RAI14: variants seen among roughly 807,000 people sequenced by gnomAD.
RAI14 encodes the protein ankycorbin.
A neutral mutation model predicts 115.4 loss-of-function variants in RAI14; 45 were observed. That is an observed-to-expected ratio of 0.39 (90% confidence interval 0.31 to 0.50). The LOEUF (loss-of-function observed/expected upper bound fraction) is 0.50. Ranked by LOEUF, RAI14 falls within the 20% of genes least tolerant of loss-of-function variation. RAI14 has a pLI of 0.85. For synonymous variants in RAI14, 371 were observed against 415.4 expected, an observed-to-expected ratio of 0.89 and a Z score of 1.30; for missense variants, 939 against 1,131.2, an observed-to-expected ratio of 0.83 and a Z score of 2.44.
intron 1 of RAI14, among the ~76,000 whole-genome samples, chr5:34,666,462 C>A (rs1743224632): frequency 6.6e-6 from 1 of 152,186 alleles, no homozygotes; most frequent in Admixed American, 6.5e-5. Flanking sequence ...ATGTGGCTGT[C>A]TTGATGGGGA....
In RAI14 at chr5:34,823,583, A is replaced by T; in HGVS notation, c.1741A>T (p.Ser581Cys). 1 of 1,614,238 alleles carries T rather than the reference A, an allele frequency of 6.2e-7. No individual in the cohort carries two copies. Among genetic ancestry groups the T allele is most frequent in the Non-Finnish European group, 8.5e-7 (1 of 1,180,044 alleles). The change falls in exon 15 of 18, where the codon AGT (serine) becomes TGT (cysteine). Residue 581 changes from serine (S) to cysteine (C), a missense_variant. Transcript: ENST00000265109. This position sits in a 1 kb window ranked among gnomAD's most constrained non-coding sequence, Gnocchi z 4.5. ...TGTGGAAGAGTACGAGGAAATGAAA[A>T]GTTCATATTGCTCTGTTATTGAGAA... ...PPVEEYEEMK[S>C]SYCSVIENMN...
chr5:34,664,717 CA>C (rs1742974402), intron 1 of RAI14, among the ~76,000 whole-genome samples: 1 of 151,580 alleles, frequency 6.6e-6, no homozygotes, highest in African/African-American at 2.4e-5. Context: ...TTGGTGTACC[CA>C]TCACCTGAGC....
chr5:34,794,565 A>G (rs1027153725), intron 3 of RAI14, among the ~76,000 whole-genome samples: 1 of 152,264 alleles, frequency 6.6e-6, no homozygotes, highest in African/African-American at 2.4e-5. Context: ...ATACAGAAAT[A>G]GTTGCGTGAG....
chr5:34,695,957 A>G (rs1739178039), intron 2 of RAI14, among the ~76,000 whole-genome samples: 1 of 152,080 alleles, frequency 6.6e-6, no homozygotes, highest in Non-Finnish European at 1.5e-5. Context: ...AGCTAGGACT[A>G]CAGGCACATA....
intron 3 of RAI14, among the ~76,000 whole-genome samples, chr5:34,777,497 C>T (rs1344141399): frequency 6.6e-6 from 1 of 152,032 alleles, no homozygotes; most frequent in East Asian, 1.9e-4. Flanking sequence ...AACCTGATCT[C>T]AGCTGAGCGT....
At chr5:34,730,297 C>T (rs905812658) in intron 2 of RAI14, among the ~76,000 whole-genome samples, 1 of 152,112 alleles carries the variant, frequency 6.6e-6, no homozygotes, top group Non-Finnish European at 1.5e-5. Flanking sequence ...TATCACTTTC[C>T]TAAAAATAAC....
intron 1 of RAI14, among the ~76,000 whole-genome samples, chr5:34,677,705 CTGGGA>C (rs1744090164): frequency 6.6e-6 from 1 of 152,158 alleles, no homozygotes; most frequent in Non-Finnish European, 1.5e-5. Flanking sequence ...TCCCAAAGTG[CTGGGA>C]TTATAGGCAT....
At chr5:34,768,745 T>C (rs1749754741) in intron 3 of RAI14, among the ~76,000 whole-genome samples, 1 of 152,118 alleles carries the variant, frequency 6.6e-6, no homozygotes, top group Non-Finnish European at 1.5e-5. Context: ...TCCCAGCACT[T>C]TGGGAGGCCG....
intron 1 of RAI14, among the ~76,000 whole-genome samples, chr5:34,682,534 T>C (rs1321864126): frequency 6.6e-6 from 1 of 152,172 alleles, no homozygotes; most frequent in East Asian, 1.9e-4. Flanking sequence ...CAATGTTACA[T>C]CCAGTCTTTC....
intron 2 of RAI14, chr5:34,733,041 A>G (rs1744400372): frequency 6.6e-6 from 1 of 152,032 alleles, no homozygotes; most frequent in Non-Finnish European, 1.5e-5. Flanking sequence ...TGATCTGCTC[A>G]GTTTATTTGT....
chr5:34,744,169 A>C (rs1239103301), intron 2 of RAI14, among the ~76,000 whole-genome samples: 2 of 152,218 alleles, frequency 1.3e-5, no homozygotes, highest in East Asian at 3.9e-4. Context: ...CCTGTCTCCA[A>C]GTGTCTTGTC....
chr5:34,812,174 CT>C lies in RAI14; in HGVS notation c.737-5del. Reference sequence around the variant, plus strand: ...ATAGTTCTTTTTTTCACTTTTTCCTCTATAGATTTAAAGACCCCAACAAAAC... The same window carrying C: ...ATAGTTCTTTTTTTCACTTTTTCCTCATAGATTTAAAGACCCCAACAAAAC... On this transcript the variant is annotated splice_region_variant and splice_polypyrimidine_tract_variant and intron_variant, in intron 9 of 17. Coordinates refer to ENST00000265109, the MANE Select transcript of RAI14 (RefSeq NM_015577.3). 6.3e-7 allele frequency: 1 copy of C among 1,577,878 alleles called. No homozygotes were observed. The highest frequency in any genetic ancestry group is 1.1e-5 in the South Asian group (1 of 88,012).
intron 2 of RAI14, among the ~76,000 whole-genome samples, chr5:34,749,345 T>C (rs1746699221): frequency 6.6e-6 from 1 of 152,254 alleles, no homozygotes; most frequent in Non-Finnish European, 1.5e-5. Context: ...TGGCTTATTC[T>C]GTGCCACTGG....
intron 14 of RAI14, among the ~76,000 whole-genome samples, chr5:34,822,146 TA>T (rs1225573539): frequency 6.8e-6 from 1 of 147,982 alleles, no homozygotes; most frequent in Non-Finnish European, 1.5e-5. Flanking sequence ...AAATTCTATA[TA>T]AAATATACTA....
intron 4 of RAI14, among the ~76,000 whole-genome samples, chr5:34,799,524 ACACACACACAC>A (rs1561050890): frequency 1.7e-5 from 2 of 117,274 alleles, no homozygotes; most frequent in African/African-American, 5.7e-5. Flanking sequence ...ACACACACAC[ACACACACACAC>A]ACACAAAACC....
In RAI14 at chr5:34,679,520, A is replaced by G. The variant is rs546398258; in HGVS notation, c.-48-7352A>G. On this transcript the variant is annotated intron_variant, in intron 1 of 17. Coordinates refer to ENST00000265109, the MANE Select transcript of RAI14 (RefSeq NM_015577.3). Reference sequence around the variant, plus strand: ...GCAGCCCTGTTGATTTGTGGGGGGAATCCCTGGCTTGCCCATAGTTCTAGA... The same window carrying G: ...GCAGCCCTGTTGATTTGTGGGGGGAGTCCCTGGCTTGCCCATAGTTCTAGA... Among the ~76,000 whole-genome samples, 469 of 151,282 alleles carry G rather than the reference A, an allele frequency of 3.1e-3. 2 individuals are homozygous for G. The highest frequency in any genetic ancestry group is 8.5e-3 in the Admixed American group (130 of 15,292).
At position 34,662,814 on chromosome 5, in the gene RAI14, C is replaced by T. The variant is rs377107419; in HGVS notation, c.-49+6339C>T. Among the ~76,000 whole-genome samples the T allele has an allele frequency of 1.3e-4, 20 of 148,880 alleles. 1 individual carries two copies. Among genetic ancestry groups the T allele is most frequent in the African/African-American group, 4.2e-4 (17 of 40,630 alleles). On this transcript the variant is annotated intron_variant, in intron 1 of 17. Coordinates refer to ENST00000265109, the MANE Select transcript of RAI14 (RefSeq NM_015577.3). ...GGTGATCTCGGCTCACTGCAACCTC[C>T]GCCTCTCAAGTTCAATCAATTCTCC...
intron 1 of RAI14, among the ~76,000 whole-genome samples, chr5:34,658,067 G>A (rs573860168): frequency 6.6e-6 from 1 of 152,264 alleles, no homozygotes; most frequent in African/African-American, 2.4e-5. Flanking sequence ...GCTATCCCGT[G>A]CTGGGCTGTT....
chr5:34,722,270 A>G lies in RAI14; in HGVS notation c.37-35198A>G, dbSNP rs551406782. Among the ~76,000 whole-genome samples, 8 of 148,624 alleles carry G rather than the reference A, an allele frequency of 5.4e-5. 1 individual carries two copies. The South Asian group carries it at 1.8e-3, about 33-fold the overall frequency. ...TGGGCCCTAATCTAGTATGACTAGT[A>G]TCCTTATACAAGGAGAAAATTTGGA... On this transcript the variant is annotated intron_variant, in intron 2 of 17. Transcript: ENST00000265109.
Sources: gnomAD v4.1 joint callset for allele counts (sites outside exome capture counted in the v4.1 genomes callset) on GRCh38, gnomAD v4.1.1 for gene constraint, Gnocchi (gnomAD v3.1) non-coding constraint, MANE v1.5 for transcripts, NCBI Gene and HGNC (gene_info 2026-07-23, HGNC 2026-07-21) for gene names.